GAS7: variants seen among roughly 807,000 people sequenced by gnomAD.
GAS7 encodes growth arrest specific 7, also known as growth arrest-specific protein 7.
GAS7 carries 28 observed loss-of-function variants against 71.1 expected under a neutral mutation model. The observed-to-expected ratio is 0.39, with a 90% CI of 0.29 to 0.54. The LOEUF is 0.54. Among genes scored for constraint, GAS7 ranks in the 20% least tolerant of loss-of-function variants. GAS7 has a pLI of 0.62. For missense variants in GAS7, 436 were observed against 627.8 expected (o/e 0.69, Z 3.27); for synonymous variants, 258 against 245.8 (o/e 1.05, Z -0.46).
intron 1 of GAS7, among the ~76,000 whole-genome samples, chr17:10,101,168 T>C: frequency 6.6e-6 from 1 of 152,100 alleles, no homozygotes; most frequent in East Asian, 1.9e-4. Flanking sequence ...TATCCACGCA[T>C]GGTTTTCCCA....
chr17:10,056,667 C>G (rs773385307), intron 1 of GAS7, among the ~76,000 whole-genome samples: 76 of 152,196 alleles, frequency 5.0e-4, no homozygotes, highest in Middle Eastern at 3.4e-3. Flanking sequence ...GTCAGGAGAT[C>G]GAGACCATCC....
At chr17:10,102,090 T>C (rs937944644) in intron 1 of GAS7, among the ~76,000 whole-genome samples, 1 of 151,288 alleles carries the variant, frequency 6.6e-6, no homozygotes, top group African/African-American at 2.4e-5. Context: ...TGTGGTATTA[T>C]ATTAATACAT....
intron 1 of GAS7, among the ~76,000 whole-genome samples, chr17:10,141,991 G>GT: frequency 6.6e-6 from 1 of 151,612 alleles, no homozygotes; most frequent in Admixed American, 6.6e-5. Flanking sequence ...CACTTTGGGG[G>GT]GCCGAGGTGG....
At position 10,026,063 on chromosome 17, in the gene GAS7, C is replaced by G; in HGVS notation, c.184-6166G>C. ...TCCGCTCCCTACCGCTCCCACCATG[C>G]TTCAAGCTCAAGTTCAACCCGGATG... On this transcript the variant is annotated intron_variant, in intron 1 of 13. Transcript: ENST00000432992. This position sits in a 1 kb window ranked among gnomAD's most constrained non-coding sequence, Gnocchi z 4.5. 8.4e-6 allele frequency: 5 copies of G among 597,994 alleles called. No homozygotes were observed. Among genetic ancestry groups the G allele is most frequent in the Non-Finnish European group, 1.1e-5 (5 of 476,082 alleles). 37.0% of individuals were successfully genotyped at this position (597,994 alleles called of 1,614,324 possible).
At chr17:10,017,634 G>T (rs1221863960) in intron 2 of GAS7, among the ~76,000 whole-genome samples, 1 of 152,034 alleles carries the variant, frequency 6.6e-6, no homozygotes, top group South Asian at 2.1e-4. Flanking sequence ...TGGCCAGAAC[G>T]ATGATATTTT....
intron 1 of GAS7, among the ~76,000 whole-genome samples, chr17:10,058,001 AT>A (rs1212716680): frequency 1.3e-5 from 2 of 152,354 alleles, no homozygotes; most frequent in Admixed American, 1.3e-4. Flanking sequence ...GGTTAAATGG[AT>A]TAAGGGCAGT....
At chr17:10,179,139 G>C (rs938603066) in intron 1 of GAS7, among the ~76,000 whole-genome samples, 17 of 152,176 alleles carry the variant, frequency 1.1e-4, no homozygotes, top group African/African-American at 3.9e-4. Context: ...AGACCAGCCT[G>C]ACCAACATGG....
chr17:9,995,822 A>G (rs2071020004), intron 2 of GAS7, among the ~76,000 whole-genome samples: 1 of 152,176 alleles, frequency 6.6e-6, no homozygotes, highest in Admixed American at 6.5e-5. Context: ...TTTTCATTAG[A>G]GGGAAAAGAC....
At chr17:9,940,573 A>G (rs2152090782) in intron 7 of GAS7, among the ~76,000 whole-genome samples, 1 of 152,320 alleles carries the variant, frequency 6.6e-6, no homozygotes, top group East Asian at 1.9e-4. Context: ...ATGGACTACC[A>G]GCAATCCCCA....
At chr17:10,109,698 C>T (rs2073792097) in intron 1 of GAS7, among the ~76,000 whole-genome samples, 2 of 152,230 alleles carry the variant, frequency 1.3e-5, no homozygotes, top group Admixed American at 6.5e-5. Flanking sequence ...GCAGGTGGAT[C>T]ACCTGAGATC....
At chr17:10,162,897 TGA>T (rs1173831256) in intron 1 of GAS7, among the ~76,000 whole-genome samples, 2 of 151,980 alleles carry the variant, frequency 1.3e-5, no homozygotes, top group Non-Finnish European at 2.9e-5. Flanking sequence ...TTTTGCAAAA[TGA>T]AAAAGGCTCT....
chr17:9,931,167 C>T (rs1467534129), intron 9 of GAS7, among the ~76,000 whole-genome samples: 2 of 152,220 alleles, frequency 1.3e-5, no homozygotes, highest in South Asian at 2.1e-4. Flanking sequence ...CTTTCCTTTG[C>T]TTCCTCTGTG....
At chr17:10,015,024 G>A (rs113780824) in intron 2 of GAS7, among the ~76,000 whole-genome samples, 3,157 of 151,960 alleles carry the variant, frequency 0.021, 119 homozygotes, top group African/African-American at 0.072. Flanking sequence ...GTGTGGTGGC[G>A]CATGTCTGTA....
intron 1 of GAS7, among the ~76,000 whole-genome samples, chr17:10,149,197 GGTTTAAGC>G (rs1488415919): frequency 6.6e-6 from 1 of 152,062 alleles, no homozygotes; most frequent in Non-Finnish European, 1.5e-5. Flanking sequence ...TCATCTCCTG[GGTTTAAGC>G]GATTCTGCTG....
chr17:9,926,816 G>A lies in GAS7; in HGVS notation c.886-47C>T, dbSNP rs761057785. On this transcript the variant is annotated intron_variant, in intron 9 of 13. Coordinates refer to ENST00000432992, the MANE Select transcript of GAS7 (RefSeq NM_201433.2). The surrounding 1 kb of genome is among the most constrained non-coding windows in gnomAD (Gnocchi z 5.0). The stretch of plus-strand genomic sequence containing the variant: ...ACACTCAGGACCCAGGGCATCAGCT[G>A]TAAGCCAGTGCAGGGAGGAGGGATG... 2 of 1,609,052 alleles carry A rather than the reference G, an allele frequency of 1.2e-6. No individual in the cohort carries two copies. The highest frequency in any genetic ancestry group is 2.2e-5 in the East Asian group (1 of 44,824).
intron 1 of GAS7, among the ~76,000 whole-genome samples, chr17:10,181,865 G>C (rs1047870294): frequency 3.9e-5 from 6 of 152,130 alleles, no homozygotes; most frequent in African/African-American, 1.4e-4. Flanking sequence ...ATGGCAGCCA[G>C]AGGCTACCGC....
At chr17:10,025,402 A>G (rs1016646081) in intron 1 of GAS7, among the ~76,000 whole-genome samples, 1 of 151,712 alleles carries the variant, frequency 6.6e-6, no homozygotes, top group Admixed American at 6.6e-5. Context: ...GAGGATGACA[A>G]CTCAAGCCTG....
intron 1 of GAS7, among the ~76,000 whole-genome samples, chr17:10,186,895 A>G (rs537788352): frequency 3.3e-5 from 5 of 152,284 alleles, no homozygotes; most frequent in African/African-American, 1.2e-4. Context: ...CTCCAAAAAA[A>G]AACAGAAACC....
At chr17:10,108,998 C>T (rs2073785154) in intron 1 of GAS7, among the ~76,000 whole-genome samples, 1 of 151,624 alleles carries the variant, frequency 6.6e-6, no homozygotes, top group Admixed American at 6.6e-5. Flanking sequence ...AAAGGTTTTA[C>T]AAAGCAAAGG....
Sources: gnomAD v4.1 joint callset for allele counts (sites outside exome capture counted in the v4.1 genomes callset) on GRCh38, gnomAD v4.1.1 for gene constraint, Gnocchi (gnomAD v3.1) non-coding constraint, MANE v1.5 for transcripts, NCBI Gene and HGNC (gene_info 2026-07-23, HGNC 2026-07-21) for gene names.